The following RPS6KA2 variants were observed in gnomAD, a reference collection of about 807,000 sequenced individuals.
The protein encoded by RPS6KA2 is ribosomal protein S6 kinase alpha-2.
In RPS6KA2, 42 loss-of-function variants were observed where a neutral mutation model predicts 91.8. That is an observed-to-expected ratio of 0.46 (90% confidence interval 0.36 to 0.59). The LOEUF (loss-of-function observed/expected upper bound fraction) is 0.59. RPS6KA2 is among the 20% of genes least tolerant of loss of function. RPS6KA2 has a pLI of 0.00. For missense variants in RPS6KA2, 798 were observed against 978.5 expected (o/e 0.82, Z 2.46); for synonymous variants, 414 against 393.6 (o/e 1.05, Z -0.61).
chr6:166,671,423 A>C (rs1246639255), intron 2 of RPS6KA2, among the ~76,000 whole-genome samples: 1 of 152,086 alleles, frequency 6.6e-6, no homozygotes, highest in African/African-American at 2.4e-5. Flanking sequence ...AACAATCTCA[A>C]GGCAGTCATA....
chr6:166,614,512 G>A lies in RPS6KA2; in HGVS notation c.99+12409C>T, dbSNP rs1326372127. ...ACACTGAGGCCACAGCCCTGCCTGC[G>A]TCCTGTCTGCTGCATCTTCTACAAC... On this transcript the variant is annotated intron_variant, in intron 1 of 20. Coordinates refer to ENST00000265678, the MANE Select transcript of RPS6KA2 (RefSeq NM_021135.6). 3.3e-5 allele frequency among the ~76,000 whole-genome samples: 5 copies of A among 152,242 alleles called. No individual in the cohort carries two copies. The East Asian group carries it at 5.8e-4, about 18-fold the overall frequency.
rs1781742713 is a variant in RPS6KA2, at chr6:166,495,159, A to G, written c.747+3349T>C. The stretch of plus-strand genomic sequence containing the variant: ...CCGACACTTAGGCTCTTTCAGCTTT[A>G]GTTTTCATTTCTGTGCACAGAAAGA... On this transcript the variant is annotated intron_variant, in intron 8 of 20. Transcript: ENST00000265678. The surrounding 1 kb of genome is among the most constrained non-coding windows in gnomAD (Gnocchi z 4.4). Among the ~76,000 whole-genome samples, 1 of 152,188 alleles carries G rather than the reference A, an allele frequency of 6.6e-6. No individual in the cohort carries two copies. Among genetic ancestry groups the G allele is most frequent in the South Asian group, 2.1e-4 (1 of 4,834 alleles).
rs185445510 is a variant in RPS6KA2 at position 166,669,184 on chromosome 6, G to A, written c.124-130400C>T. ...GCTGGGATTACAGGCATGAGCCCCCGTGCCTGGCCAGCATTAGGAGGTCTT... is the reference window on the plus strand; with the variant it reads ...GCTGGGATTACAGGCATGAGCCCCCATGCCTGGCCAGCATTAGGAGGTCTT... On this transcript the variant is annotated intron_variant, in intron 2 of 21. Coordinates refer to the RPS6KA2 transcript ENST00000503859. Among the ~76,000 whole-genome samples, 12 of 152,212 alleles carry A rather than the reference G, an allele frequency of 7.9e-5. No homozygotes were observed. The East Asian group carries it at 1.9e-3, about 25-fold the overall frequency.
intron 1 of RPS6KA2, among the ~76,000 whole-genome samples, chr6:166,624,984 C>G (rs1786798917): frequency 6.6e-6 from 1 of 152,128 alleles, no homozygotes; most frequent in South Asian, 2.1e-4. Context: ...CAGGCACGCG[C>G]CACCATGCCC....
intron 1 of RPS6KA2, among the ~76,000 whole-genome samples, chr6:166,573,815 C>T (rs889207934): frequency 1.2e-4 from 19 of 152,228 alleles, no homozygotes; most frequent in African/African-American, 4.6e-4. Context: ...ATGGAACTTC[C>T]CAGTTTTGAA....
intron 2 of RPS6KA2, among the ~76,000 whole-genome samples, chr6:166,832,034 C>CACG (rs2128626797): frequency 7.8e-6 from 1 of 128,560 alleles, no homozygotes; most frequent in Non-Finnish European, 1.7e-5. Context: ...ATAGATGATA[C>CACG]ATGATAGATA....
intron 1 of RPS6KA2, among the ~76,000 whole-genome samples, chr6:166,575,309 C>T (rs1025482026): frequency 7.9e-5 from 12 of 152,240 alleles, no homozygotes; most frequent in Admixed American, 2.6e-4. Context: ...TCAGGGAGTA[C>T]GGGGGAGCGC....
chr6:166,780,868 T>A (rs375350588), intron 2 of RPS6KA2, among the ~76,000 whole-genome samples: 1 of 152,182 alleles, frequency 6.6e-6, no homozygotes, highest in East Asian at 1.9e-4. Flanking sequence ...TTAAAAAATA[T>A]CTTGTAACAC....
intron 2 of RPS6KA2, among the ~76,000 whole-genome samples, chr6:166,838,019 C>T (rs978252052): frequency 1.3e-4 from 20 of 152,364 alleles, no homozygotes; most frequent in Middle Eastern, 3.4e-3. Context: ...ATAAACGCAA[C>T]GCAGGCTCTG....
intron 2 of RPS6KA2, among the ~76,000 whole-genome samples, chr6:166,632,338 C>T (rs898302708): frequency 7.9e-5 from 12 of 152,128 alleles, no homozygotes; most frequent in African/African-American, 2.9e-4. Context: ...TTTGGCTGCA[C>T]GGGGTAGCTC....
At chr6:166,526,808 C>A (rs1783062911) in intron 3 of RPS6KA2, among the ~76,000 whole-genome samples, 1 of 152,186 alleles carries the variant, frequency 6.6e-6, no homozygotes, top group South Asian at 2.1e-4. Flanking sequence ...AACAGCTAGC[C>A]CCAATCCTGT....
chr6:166,600,286 C>T (rs115234956), intron 1 of RPS6KA2, among the ~76,000 whole-genome samples: 228 of 152,298 alleles, frequency 1.5e-3, no homozygotes, highest in African/African-American at 5.1e-3. Flanking sequence ...ATGACAGGCA[C>T]GAGCCATCAT....
At chr6:166,593,763 G>C (rs1785435561) in intron 1 of RPS6KA2, among the ~76,000 whole-genome samples, 1 of 151,988 alleles carries the variant, frequency 6.6e-6, no homozygotes, top group Non-Finnish European at 1.5e-5. Context: ...GATCTAAACA[G>C]GTGATTAACA....
At chr6:166,588,266 T>C (rs1294964258) in intron 1 of RPS6KA2, among the ~76,000 whole-genome samples, 1 of 152,134 alleles carries the variant, frequency 6.6e-6, no homozygotes, top group Admixed American at 6.5e-5. Context: ...GACAGCAGAA[T>C]CAAATCTCTG....
At chr6:166,655,813 A>T (rs1015827138) in intron 2 of RPS6KA2, among the ~76,000 whole-genome samples, 13 of 152,176 alleles carry the variant, frequency 8.5e-5, no homozygotes, top group Non-Finnish European at 1.8e-4. Flanking sequence ...CAACAATCTC[A>T]TCAGGTTGAA....
chr6:166,420,499 G>GT (rs1324141792), intron 17 of RPS6KA2, among the ~76,000 whole-genome samples: 1 of 152,152 alleles, frequency 6.6e-6, no homozygotes, highest in Non-Finnish European at 1.5e-5. Flanking sequence ...ATTATGCAAT[G>GT]TTTGTCTTTC....
chr6:166,431,419 T>C (rs1255174782), intron 15 of RPS6KA2, among the ~76,000 whole-genome samples: 1 of 152,100 alleles, frequency 6.6e-6, no homozygotes, highest in Non-Finnish European at 1.5e-5. Flanking sequence ...CAGTTTCCCA[T>C]GATGTCTGTG....
chr6:166,588,926 G>A (rs115642926), intron 1 of RPS6KA2, among the ~76,000 whole-genome samples: 1,919 of 152,280 alleles, frequency 0.013, 43 homozygotes, highest in African/African-American at 0.045. Context: ...GAACACTGTC[G>A]CTTTCTCAGG....
At chr6:166,692,911 A>G (rs999498150) in intron 2 of RPS6KA2, among the ~76,000 whole-genome samples, 1 of 152,174 alleles carries the variant, frequency 6.6e-6, no homozygotes, top group Non-Finnish European at 1.5e-5. Flanking sequence ...TCAAGCATGG[A>G]GCATCTCACT....
Sources: gnomAD v4.1 joint callset for allele counts (sites outside exome capture counted in the v4.1 genomes callset) on GRCh38, gnomAD v4.1.1 for gene constraint, Gnocchi (gnomAD v3.1) non-coding constraint, MANE v1.5 for transcripts, NCBI Gene and HGNC (gene_info 2026-07-23, HGNC 2026-07-21) for gene names.